The following HEMK2 variants were observed in gnomAD, a reference collection of about 807,000 sequenced individuals.
The protein encoded by HEMK2 is HemK methyltransferase 2, ETF1 glutamine and histone H4 lysine, also known as methyltransferase HEMK2.
At chr21:28,595,615 G>A in the HEMK2 span, among the ~76,000 whole-genome samples, 3 of 151,930 alleles carry the variant, frequency 2.0e-5, no homozygotes, top group Non-Finnish European at 4.4e-5. Flanking sequence ...TTTGGCTATC[G>A]TAAACAGAGC....
At chr21:28,684,905 G>T in the HEMK2 span, among the ~76,000 whole-genome samples, 19 of 152,256 alleles carry the variant, frequency 1.2e-4, no homozygotes, top group African/African-American at 4.6e-4. Context: ...GGTGTAAAAA[G>T]TAAACAAAGT....
the HEMK2 span, among the ~76,000 whole-genome samples, chr21:28,867,031 A>C: frequency 1.3e-5 from 2 of 152,174 alleles, no homozygotes; most frequent in Non-Finnish European, 2.9e-5. Context: ...ATTGGTGAAG[A>C]TATGGCGCTA....
chr21:28,695,617 T>C, the HEMK2 span, among the ~76,000 whole-genome samples: 3 of 152,182 alleles, frequency 2.0e-5, no homozygotes, highest in East Asian at 5.8e-4. Flanking sequence ...CATGATTCAA[T>C]TATCTCCACC....
chr21:28,859,998 T>C, the HEMK2 span, among the ~76,000 whole-genome samples: 2 of 152,164 alleles, frequency 1.3e-5, no homozygotes, highest in Non-Finnish European at 2.9e-5. Context: ...TTGTCTTTAT[T>C]TGAAGATAAT....
At chr21:28,669,450 C>T in the HEMK2 span, among the ~76,000 whole-genome samples, 1 of 152,194 alleles carries the variant, frequency 6.6e-6, no homozygotes, top group Non-Finnish European at 1.5e-5. Flanking sequence ...TTTGACTTTG[C>T]AGTTCCTCCC....
the HEMK2 span, among the ~76,000 whole-genome samples, chr21:28,730,279 G>A: frequency 1.3e-5 from 2 of 151,968 alleles, no homozygotes; most frequent in Non-Finnish European, 2.9e-5. Flanking sequence ...TACTCAGGAG[G>A]CTGAGGTAGC....
chr21:28,849,822 A>G, the HEMK2 span, among the ~76,000 whole-genome samples: 1 of 152,222 alleles, frequency 6.6e-6, no homozygotes, highest in African/African-American at 2.4e-5. Flanking sequence ...AAAATAAAGA[A>G]ATAATAAAGA....
chr21:28,617,948 T>C, the HEMK2 span, among the ~76,000 whole-genome samples: 3 of 152,142 alleles, frequency 2.0e-5, no homozygotes, highest in African/African-American at 7.2e-5. Flanking sequence ...CCATCAAGCC[T>C]GGCTAATTTT....
the HEMK2 span, among the ~76,000 whole-genome samples, chr21:28,585,774 T>C: frequency 1.3e-5 from 2 of 151,914 alleles, no homozygotes; most frequent in Non-Finnish European, 2.9e-5. Flanking sequence ...ATAGGGAGAA[T>C]AGGGAAGGGG....
chr21:28,835,742 T>C, the HEMK2 span, among the ~76,000 whole-genome samples: 1 of 152,074 alleles, frequency 6.6e-6, no homozygotes. Context: ...CAAAAAATGA[T>C]ACAGGAAGTA....
the HEMK2 span, among the ~76,000 whole-genome samples, chr21:28,781,976 G>A: frequency 6.6e-6 from 1 of 152,226 alleles, no homozygotes; most frequent in Non-Finnish European, 1.5e-5. Flanking sequence ...TGTGCAGGAT[G>A]TGAACAATCT....
At chr21:28,742,027 G>A in the HEMK2 span, among the ~76,000 whole-genome samples, 1 of 152,186 alleles carries the variant, frequency 6.6e-6, no homozygotes, top group African/African-American at 2.4e-5. Context: ...GGTTTGAGGA[G>A]GTGACGGCAA....
At chr21:28,812,965 G>A in the HEMK2 span, among the ~76,000 whole-genome samples, 3 of 151,980 alleles carry the variant, frequency 2.0e-5, no homozygotes, top group African/African-American at 7.3e-5. Flanking sequence ...TGTATTTCTG[G>A]GGGATCAGTG....
At chr21:28,681,667 T>C in the HEMK2 span, among the ~76,000 whole-genome samples, 15 of 152,250 alleles carry the variant, frequency 9.9e-5, no homozygotes, top group Admixed American at 6.5e-4. Context: ...AAGGCTATAG[T>C]AACCAAAACA....
the HEMK2 span, among the ~76,000 whole-genome samples, chr21:28,670,437 T>G: frequency 6.6e-6 from 1 of 152,218 alleles, no homozygotes; most frequent in Non-Finnish European, 1.5e-5. Context: ...TTTTCTTTTC[T>G]CATTGCTGTG....
chr21:28,849,533 T>C, the HEMK2 span, among the ~76,000 whole-genome samples: 8 of 152,222 alleles, frequency 5.3e-5, no homozygotes, highest in African/African-American at 1.2e-4. Flanking sequence ...GCTTAAATGG[T>C]TGACAGAAAT....
the HEMK2 span, among the ~76,000 whole-genome samples, chr21:28,596,894 A>G: frequency 1.3e-5 from 2 of 152,224 alleles, no homozygotes; most frequent in Non-Finnish European, 2.9e-5. Context: ...CATAGCTTTC[A>G]GTAATAATAC....
the HEMK2 span, among the ~76,000 whole-genome samples, chr21:28,724,847 T>C: frequency 1.3e-5 from 2 of 152,214 alleles, no homozygotes; most frequent in Admixed American, 1.3e-4. Context: ...AAAGGCATGA[T>C]CTCAGCCCAC....
the HEMK2 span, among the ~76,000 whole-genome samples, chr21:28,683,616 C>A: frequency 6.6e-6 from 1 of 152,090 alleles, no homozygotes; most frequent in Non-Finnish European, 1.5e-5. Flanking sequence ...TGATGATGCA[C>A]GTTCATGGAA....
Sources: allele counts gnomAD v4.1 joint callset (sites outside exome capture counted in the v4.1 genomes callset), GRCh38; gene constraint gnomAD v4.1.1; transcripts MANE v1.5; gene names NCBI Gene and HGNC (gene_info 2026-07-23, HGNC 2026-07-21).